The following PLEC variants were observed in gnomAD, a reference collection of about 807,000 sequenced individuals.
The protein encoded by PLEC is plectin.
A neutral mutation model predicts 392.8 loss-of-function variants in PLEC; 216 were observed. The observed-to-expected ratio is 0.55, with a 90% CI of 0.49 to 0.62. PLEC has a LOEUF of 0.62. PLEC is among the 20% of genes least tolerant of loss of function. PLEC has a pLI of 0.00. For missense variants in PLEC, 6,863 were observed against 6,563.4 expected (o/e 1.05, Z -1.58); for synonymous variants, 3,621 against 2,980.6 (o/e 1.21, Z -7.00).
rs782281740 is a variant in PLEC, at chr8:143,921,842, T to C, written c.7979A>G (p.Glu2660Gly). ...RRKVSAQRLQ[E>G]AGILSAEELQ... ...CTCCTCCGCACTCAGGATGCCGGCCTCCTGCAGCCTCTGAGCTGACACCTT... is the reference window on the plus strand; with the variant it reads ...CTCCTCCGCACTCAGGATGCCGGCCCCCTGCAGCCTCTGAGCTGACACCTT... The change falls in exon 32 of 32, where the codon GAG becomes GGG. Residue 2660 changes from glutamate to glycine, a missense_variant. Coordinates refer to ENST00000345136, the MANE Select transcript of PLEC (RefSeq NM_201384.3). 6.2e-7 allele frequency: 1 copy of C among 1,605,412 alleles called. No individual in the cohort carries two copies. Among genetic ancestry groups the C allele is most frequent in the South Asian group, 1.1e-5 (1 of 91,070 alleles).
chr8:143,938,044 C>T, intron 3 of PLEC, 107 bp downstream of exon 3: 1 of 788,942 alleles, frequency 1.3e-6, no homozygotes, highest in Non-Finnish European at 2.1e-6. Context: ...AGGGGTTGAG[C>T]TGGATTCCAA....
chr8:143,934,246 G>A (rs868942936), intron 11 of PLEC, 72 bp downstream of exon 11: 12 of 1,603,458 alleles, frequency 7.5e-6, no homozygotes, highest in South Asian at 5.5e-5. Context: ...GGCGGGGCGG[G>A]GAGGGGGGTT....
chr8:143,950,707 G>A (rs1554735965), exon 1 of PLEC: 9 of 1,559,566 alleles, frequency 5.8e-6, no homozygotes, highest in Non-Finnish European at 7.8e-6. Flanking sequence ...CGGCCACCAT[G>A]GCTGCTGGAG....
Position 143,934,826 on chromosome 8 carries a change from C to T in PLEC, c.929G>A (p.Ser310Asn), listed in dbSNP as rs1564149084. 9.9e-6 allele frequency: 16 copies of T among 1,611,690 alleles called. No homozygotes were observed. Among genetic ancestry groups the T allele is most frequent in the South Asian group, 3.3e-5 (3 of 91,076 alleles). The stretch of plus-strand genomic sequence containing the variant: ...CAGGCCCACCTCAATCTCCTCGAAG[C>T]TGGAGGGGAACCTGCGTTCCTCAAA... ...AAFEERRFPS[S>N]FEEIEILWSQ... is the part of the protein sequence containing the mutation. The change falls in exon 9 of 32, where the codon AGC becomes AAC. Residue 310 changes from serine (S) to asparagine (N), a missense_variant. Ser to Asn is a conservative substitution (Grantham distance 46). Coordinates refer to ENST00000345136, the MANE Select transcript of PLEC (RefSeq NM_201384.3).
intron 1 of PLEC, among the ~76,000 whole-genome samples, chr8:143,959,137 G>T (rs1453477113): frequency 3.9e-5 from 6 of 152,234 alleles, no homozygotes; most frequent in African/African-American, 1.4e-4. Flanking sequence ...GAGGGTGAAT[G>T]CGGACGGTGC....
upstream of PLEC, among the ~76,000 whole-genome samples, chr8:143,954,385 G>A: frequency 6.6e-6 from 1 of 152,152 alleles, no homozygotes; most frequent in East Asian, 1.9e-4. The surrounding 1 kb of genome is among the most constrained non-coding windows in gnomAD (Gnocchi z 4.6). Flanking sequence ...TTGTACACTG[G>A]CTCCAAAGAT....
intron 12 of PLEC, 102 bp from the exon 13 acceptor site, chr8:143,933,453 T>C: frequency 1.5e-6 from 2 of 1,366,760 alleles, no homozygotes; most frequent in Non-Finnish European, 2.1e-6. Flanking sequence ...TCAGCCTCAG[T>C]GGGCCACTGC....
In PLEC at chr8:143,919,639, G is replaced by A. The variant is rs909977653; in HGVS notation, c.10182C>T (p.Ala3394=). Residue 3394 remains alanine, a synonymous_variant, in exon 32 of 32, where the codon GCC becomes GCT. Coordinates refer to ENST00000345136, the MANE Select transcript of PLEC (RefSeq NM_201384.3). ...TAALLLEAQA[A]TGFLVDPVRN... ...GCACGGGGTCCACCAGGAAGCCAGT[G>A]GCCGCCTGCGCCTCCAGCAGGAGCG... is the stretch of plus-strand genomic sequence containing the variant. 1.3e-6 allele frequency: 2 copies of A among 1,585,408 alleles called. No individual in the cohort carries two copies. The highest frequency in any genetic ancestry group is 2.7e-5 in the African/African-American group (2 of 74,076).
rs782755539 is a variant in PLEC, at chr8:143,937,175, C to T, written c.332G>A (p.Arg111Gln). The change falls in exon 4 of 32, where the codon CGG becomes CAG. Residue 111 changes from arginine to glutamine, a missense_variant. Transcript: ENST00000345136. Reference protein sequence around the residue: ...QNVQIALDYLRHRQVKLVNIR... With the variant: ...QNVQIALDYLQHRQVKLVNIR... ...GCCGGGCAGCCTTACCTGGCGGTGC[C>T]GGAGGTAGTCCAGGGCAATCTGGAC... 1.9e-5 allele frequency: 31 copies of T among 1,612,336 alleles called. No homozygotes were observed. In the Middle Eastern group the frequency reaches 6.6e-4, roughly 34 times the overall value.
Position 143,932,715 on chromosome 8 carries a change from G to GC in PLEC, c.1738-4dup. Reference sequence around the variant, plus strand: ...CGGGTGGCGGGGGAGAGCTGGCCCTGCAACAGATGAGACGGTGAGGTCTGC... The same window carrying GC: ...CGGGTGGCGGGGGAGAGCTGGCCCTGCCAACAGATGAGACGGTGAGGTCTGC... On this transcript the variant is annotated splice_region_variant and splice_polypyrimidine_tract_variant and intron_variant, in intron 14 of 31. Coordinates refer to ENST00000345136, the MANE Select transcript of PLEC (RefSeq NM_201384.3). 1 of 1,607,000 alleles carries GC rather than the reference G, an allele frequency of 6.2e-7. No individual in the cohort carries two copies. Among genetic ancestry groups the GC allele is most frequent in the Non-Finnish European group, 8.5e-7 (1 of 1,177,392 alleles).
intron 30 of PLEC, among the ~76,000 whole-genome samples, chr8:143,926,443 C>T (rs1261284850): frequency 6.6e-6 from 1 of 152,224 alleles, no homozygotes; most frequent in African/African-American, 2.4e-5. Flanking sequence ...CTCAGCACCC[C>T]CGACTTCTGG....
In PLEC at chr8:143,929,889, CT is replaced by C. The variant is rs782809839; in HGVS notation, c.2739+46del. On this transcript the variant is annotated intron_variant, in intron 22 of 31. Transcript: ENST00000345136. ...GGCGGCCGTGCCCTGCACAACGCCT[CT>C]CCCCTCCTCCCACCCAGAGAGCCCC... 3 of 1,603,192 alleles carry C rather than the reference CT, an allele frequency of 1.9e-6. No homozygotes were observed. In the South Asian group the frequency reaches 3.3e-5, roughly 18 times the overall value.
In PLEC at chr8:143,937,088, C is replaced by T; in HGVS notation, c.343-17G>A. On this transcript the variant is annotated splice_polypyrimidine_tract_variant and intron_variant, in intron 4 of 31. Coordinates refer to ENST00000345136, the MANE Select transcript of PLEC (RefSeq NM_201384.3). ...CAGCTTCACCTGTGAGCGAGGGGCT[C>T]TCGGTCACGGCCCACAGGGCGGGGC... 1 of 1,611,418 alleles carries T rather than the reference C, an allele frequency of 6.2e-7. No homozygotes were observed. The highest frequency in any genetic ancestry group is 8.5e-7 in the Non-Finnish European group (1 of 1,178,464).
intron 1 of PLEC, among the ~76,000 whole-genome samples, chr8:143,960,706 C>T (rs922756197): frequency 2.6e-5 from 4 of 152,168 alleles, no homozygotes; most frequent in Admixed American, 1.3e-4. Flanking sequence ...AAAATATTCA[C>T]GTGACTCAAA....
At position 143,929,769 on chromosome 8, in the gene PLEC, G is replaced by A; in HGVS notation, c.2800C>T (p.Gln934Ter). 6.2e-7 allele frequency: 1 copy of A among 1,600,522 alleles called. No individual in the cohort carries two copies. The highest frequency in any genetic ancestry group is 8.5e-7 in the Non-Finnish European group (1 of 1,179,262). ...TCCTGGCTGTCCCGCAGGAAGGCCT[G>A]GTAGTGCAGCTCCAGGCTGTGCAGG... ...QALHSLELHY[Q>*]AFLRDSQDAG... Residue 934 changes from glutamine to a stop codon, truncating the protein, a stop_gained, in exon 23 of 32, where the codon CAG (glutamine) becomes TAG (stop). Coordinates refer to ENST00000345136, the MANE Select transcript of PLEC (RefSeq NM_201384.3). LOFTEE classifies it high-confidence loss of function.
chr8:143,923,833 C>G lies in PLEC; in HGVS notation c.6096G>C (p.Ser2032=), dbSNP rs564245730. 1.3e-4 allele frequency: 207 copies of G among 1,587,364 alleles called. No individual in the cohort carries two copies. The highest frequency in any genetic ancestry group is 1.7e-4 in the Non-Finnish European group (198 of 1,174,770). Residue 2032 remains serine, a synonymous_variant, in exon 31 of 32, where the codon TCG becomes TCC. Coordinates refer to ENST00000345136, the MANE Select transcript of PLEC (RefSeq NM_201384.3). ...CCTGGGCCAGCTGCAGCTGCCGCGC[C>G]GACTCCTGCTCCGCTCGCTCCCGCA... The part of the protein sequence containing the change: ...RRLRERAEQE[S]ARQLQLAQEA...
In PLEC at chr8:143,973,398, C is replaced by A. The variant is rs541803637; in HGVS notation, c.70+5G>T. 4 of 1,558,752 alleles carry A rather than the reference C, an allele frequency of 2.6e-6. No individual in the cohort carries two copies. The African/African-American group carries it at 4.2e-5, about 16-fold the overall frequency. On this transcript the variant is annotated splice_donor_5th_base_variant and intron_variant, in intron 1 of 31. Coordinates refer to the PLEC transcript ENST00000356346. This position sits in a 1 kb window ranked among gnomAD's most constrained non-coding sequence, Gnocchi z 5.6. Reference sequence around the variant, plus strand: ...CCCGACAGGCAGCGGGACGGGGGGCCGTACCTTTGTACTTCTCGCGCACCT... The same window carrying A: ...CCCGACAGGCAGCGGGACGGGGGGCAGTACCTTTGTACTTCTCGCGCACCT...
Position 143,917,062 on chromosome 8 carries a change from G to A in PLEC, c.12759C>T (p.Ser4253=), listed in dbSNP as rs1820806083. 2 of 1,607,648 alleles carry A rather than the reference G, an allele frequency of 1.2e-6. No individual in the cohort carries two copies. Among genetic ancestry groups the A allele is most frequent in the Non-Finnish European group, 8.5e-7 (1 of 1,175,598 alleles). The change falls in exon 32 of 32, where the codon TCC becomes TCT. Residue 4253 remains serine (S), a synonymous_variant. Transcript: ENST00000345136. ...CGGCGGGGCTGATGGGGTAGGAGGA[G>A]GAGGATCCCACCGAGGAGGAACGGG... The part of the protein sequence containing the change: ...FRSRSSSVGS[S]SSYPISPAVS...
At position 143,925,474 on chromosome 8, in the gene PLEC, A is replaced by T. The variant is rs56117011; in HGVS notation, c.4455T>A (p.Ala1485=). The change falls in exon 31 of 32, where the codon GCT becomes GCA. Residue 1485 remains alanine (A), a synonymous_variant. Coordinates refer to ENST00000345136, the MANE Select transcript of PLEC (RefSeq NM_201384.3). ...LQALRARAEE[A]EAQKRQAQEE... ...CCTGCGCCTGTCGCTTTTGTGCCTC[A>T]GCCTCCTCCGCCCGTGCACGCAGTG... is the stretch of plus-strand genomic sequence containing the variant. 49 of 1,595,368 alleles carry T rather than the reference A, an allele frequency of 3.1e-5. No homozygotes were observed. The highest frequency in any genetic ancestry group is 3.8e-5 in the Non-Finnish European group (45 of 1,178,192).
Sources: gnomAD v4.1 joint callset for allele counts (sites outside exome capture counted in the v4.1 genomes callset) on GRCh38, gnomAD v4.1.1 for gene constraint, Gnocchi (gnomAD v3.1) non-coding constraint, MANE v1.5 for transcripts, NCBI Gene and HGNC (gene_info 2026-07-23, HGNC 2026-07-21) for gene names.